Variants in TRPV5 observed in about 807,000 individuals in gnomAD.
TRPV5 encodes the protein calcium transport protein 2.
Under a neutral mutation model 74.1 loss-of-function variants are expected in TRPV5, and 66 were observed. The ratio of observed to expected loss-of-function variants is 0.89; its 90% CI spans 0.73 to 1.09. The LOEUF (loss-of-function observed/expected upper bound fraction) is 1.09, where lower values mean the gene tolerates loss of function less well. Ranked by LOEUF, TRPV5 falls within the 50% of genes least tolerant of loss-of-function variation. The pLI is 0.00. For synonymous variants in TRPV5, 399 were observed against 360.7 expected (o/e 1.11, Z -1.20); for missense variants, 936 against 930.4 (o/e 1.01, Z -0.08).
chr7:142,923,309 T>C (rs1442074124), intron 8 of TRPV5, among the ~76,000 whole-genome samples: 2 of 152,006 alleles, frequency 1.3e-5, no homozygotes, highest in African/African-American at 4.8e-5. Flanking sequence ...AAGAAAACAG[T>C]AGGAAAAAAA....
Position 142,929,580 on chromosome 7 carries a change from G to A in TRPV5, c.350-15C>T. ...TGCAGTCTGACCTGGCCCAGAGACA[G>A]CCATCATCAGGGTCTCCCTCTGTCC... On this transcript the variant is annotated splice_polypyrimidine_tract_variant and intron_variant, in intron 3 of 14. Transcript: ENST00000265310. 1 of 1,610,344 alleles carries A rather than the reference G, an allele frequency of 6.2e-7. No homozygotes were observed. The highest frequency in any genetic ancestry group is 8.5e-7 in the Non-Finnish European group (1 of 1,176,956).
chr7:142,930,793 G>A (rs1796076623), intron 1 of TRPV5, among the ~76,000 whole-genome samples: 1 of 152,158 alleles, frequency 6.6e-6, no homozygotes, highest in Non-Finnish European at 1.5e-5. Flanking sequence ...TCTAACCTGA[G>A]TAACTGTCTC....
chr7:142,916,410 T>C (rs1011173050), intron 8 of TRPV5, among the ~76,000 whole-genome samples: 2 of 152,226 alleles, frequency 1.3e-5, no homozygotes, highest in Non-Finnish European at 2.9e-5. Flanking sequence ...GAATCCTACA[T>C]TAATTATCCT....
intron 8 of TRPV5, among the ~76,000 whole-genome samples, chr7:142,922,989 G>T (rs1489715236): frequency 6.6e-6 from 1 of 152,120 alleles, no homozygotes. Flanking sequence ...CTTATACAGA[G>T]GAATTTGTTT....
intron 14 of TRPV5, 84 bp downstream of exon 14, chr7:142,909,406 T>A: frequency 6.9e-7 from 1 of 1,449,634 alleles, no homozygotes; most frequent in Non-Finnish European, 9.6e-7. Context: ...CAGGCTAATG[T>A]AGGCTCCAGG....
intron 8 of TRPV5, among the ~76,000 whole-genome samples, chr7:142,918,927 TC>T (rs1341858327): frequency 2.6e-5 from 4 of 152,216 alleles, no homozygotes; most frequent in Non-Finnish European, 5.9e-5. Context: ...TACAAAACCC[TC>T]CCTGCTATGG....
In TRPV5 at chr7:142,929,235, G is replaced by A. The variant is rs1361027536; in HGVS notation, c.488-115C>T. ...CCCCATATCTCAGTTCTAGGCTGAG[G>A]GACACTCGTCCAGCAGAACCAGAGG... On this transcript the variant is annotated intron_variant, in intron 4 of 14. Transcript: ENST00000265310. 4.7e-6 allele frequency: 7 copies of A among 1,482,488 alleles called. 1 individual carries two copies. In the East Asian group the frequency reaches 1.7e-4, roughly 36 times the overall value. 91.8% of individuals were successfully genotyped at this position (1,482,488 alleles called of 1,614,324 possible). A position where few individuals can be genotyped will look rare whatever the true frequency, so the allele number is the denominator to read the frequency against.
intron 12 of TRPV5, among the ~76,000 whole-genome samples, chr7:142,913,245 G>T (rs1459457639): frequency 6.6e-6 from 1 of 152,096 alleles, no homozygotes; most frequent in Non-Finnish European, 1.5e-5. Flanking sequence ...GACCTTCCCT[G>T]AGTGAACCTG....
intron 7 of TRPV5, among the ~76,000 whole-genome samples, chr7:142,927,859 G>A (rs944471390): frequency 6.6e-6 from 1 of 152,220 alleles, no homozygotes; most frequent in Non-Finnish European, 1.5e-5. Flanking sequence ...CATCTGAAAT[G>A]ATAGAAGGCG....
At chr7:142,928,593 A>G (rs1796027983) in intron 6 of TRPV5, 98 bp downstream of exon 6, 7 of 1,453,796 alleles carry the variant, frequency 4.8e-6, no homozygotes, top group Non-Finnish European at 6.4e-6. Context: ...AAGGGATTTT[A>G]GAGAAAGGTG....
At position 142,930,400 on chromosome 7, in the gene TRPV5, A is replaced by G. The variant is rs751605566; in HGVS notation, c.175T>C (p.Ser59Pro). Residue 59 changes from serine (S) to proline (P), a missense_variant, in exon 2 of 15, where the codon TCT becomes CCT. Transcript: ENST00000265310. ...LLRASKENDLSVLRQLLLDCT... is the reference protein window; with the variant it reads ...LLRASKENDLPVLRQLLLDCT... The stretch of plus-strand genomic sequence containing the variant: ...TCCAGTAGAAGTTGCCTAAGAACAG[A>G]CAGGTCATTTTCCTTGGATGCTCGA... The G allele has an allele frequency of 1.9e-6, 3 of 1,614,066 alleles. No homozygotes were observed. Among genetic ancestry groups the G allele is most frequent in the African/African-American group, 1.3e-5 (1 of 74,924 alleles).
Position 142,930,358 on chromosome 7 carries a change from G to C in TRPV5, c.217C>G (p.Arg73Gly), listed in dbSNP as rs778703315. Residue 73 changes from arginine to glycine, a missense_variant, in exon 2 of 15, where the codon CGA becomes GGA. Transcript: ENST00000265310. Reference protein sequence around the residue: ...QLLLDCTCDVRQRGALGETAL... With the variant: ...QLLLDCTCDVGQRGALGETAL... ...TAAATCCAGATCCCACCTCTTTGTC[G>C]AACGTCACAGGTGCAGTCCAGTAGA... 1.9e-6 allele frequency: 3 copies of C among 1,613,998 alleles called. No individual in the cohort carries two copies. The highest frequency in any genetic ancestry group is 1.1e-5 in the South Asian group (1 of 91,082).
At chr7:142,920,651 C>T in intron 8 of TRPV5, among the ~76,000 whole-genome samples, 1 of 152,212 alleles carries the variant, frequency 6.6e-6, no homozygotes, top group East Asian at 1.9e-4. Flanking sequence ...TAGTGCTGTC[C>T]TTGCTAGCTC....
chr7:142,912,600 A>G lies in TRPV5; in HGVS notation c.1670T>C (p.Ile557Thr), dbSNP rs1795719558. Reference protein sequence around the residue: ...YDVDLPFMFSIVNFAFTIIAT... With the variant: ...YDVDLPFMFSTVNFAFTIIAT... Reference sequence around the variant, plus strand: ...AATGATGGTGAAGGCGAAGTTGACAATGCTGAACATGAAGGGCAAGTCCAC... The same window carrying G: ...AATGATGGTGAAGGCGAAGTTGACAGTGCTGAACATGAAGGGCAAGTCCAC... The change falls in exon 13 of 15, where the codon ATT becomes ACT. Residue 557 changes from isoleucine (I) to threonine (T), a missense_variant. Physicochemically the swap from Ile to Thr is moderately conservative, Grantham distance 89. Transcript: ENST00000265310. The G allele has an allele frequency of 6.2e-7, 1 of 1,614,246 alleles. No individual in the cohort carries two copies. Among genetic ancestry groups the G allele is most frequent in the Non-Finnish European group, 8.5e-7 (1 of 1,180,042 alleles).
intron 5 of TRPV5, 66 bp downstream of exon 5, chr7:142,928,956 T>C (rs986077883): frequency 2.7e-5 from 43 of 1,612,218 alleles, no homozygotes; most frequent in Middle Eastern, 3.5e-4. Context: ...AGGTCCCAGC[T>C]CCACTCCTTA....
In TRPV5 at chr7:142,933,488, A is replaced by G. The variant is rs199854401; in HGVS notation, c.-29T>C. 1 of 1,604,830 alleles carries G rather than the reference A, an allele frequency of 6.2e-7. No homozygotes were observed. The highest frequency in any genetic ancestry group is 2.2e-5 in the East Asian group (1 of 44,786). On this transcript the variant is annotated 5_prime_UTR_variant, in exon 1 of 15. Coordinates refer to ENST00000265310, the MANE Select transcript of TRPV5 (RefSeq NM_019841.7). ...TTCTCCTTGCAGACACTGGCAGATTATAGAAATGTGGCGAAAGAAACAGGT... is the reference window on the plus strand; with the variant it reads ...TTCTCCTTGCAGACACTGGCAGATTGTAGAAATGTGGCGAAAGAAACAGGT...
At chr7:142,923,600 C>T (rs1795919093) in intron 8 of TRPV5, among the ~76,000 whole-genome samples, 1 of 152,052 alleles carries the variant, frequency 6.6e-6, no homozygotes, top group African/African-American at 2.4e-5. Context: ...TCTCTTTGAG[C>T]TGAAGTGGCT....
intron 8 of TRPV5, among the ~76,000 whole-genome samples, chr7:142,918,068 T>C (rs765665908): frequency 2.6e-5 from 4 of 152,220 alleles, no homozygotes; most frequent in African/African-American, 9.6e-5. Context: ...GATTTCAGTA[T>C]TTCAGAAATG....
rs966477459 is a variant in TRPV5, at chr7:142,930,370, T to G, written c.205A>C (p.Thr69Pro). 1 of 1,614,024 alleles carries G rather than the reference T, an allele frequency of 6.2e-7. No homozygotes were observed. The highest frequency in any genetic ancestry group is 8.5e-7 in the Non-Finnish European group (1 of 1,180,006). The change falls in exon 2 of 15, where the codon ACC becomes CCC. Residue 69 changes from threonine to proline, a missense_variant. Transcript: ENST00000265310. Reference protein sequence around the residue: ...SVLRQLLLDCTCDVRQRGALG... With the variant: ...SVLRQLLLDCPCDVRQRGALG... Reference sequence around the variant, plus strand: ...CCACCTCTTTGTCGAACGTCACAGGTGCAGTCCAGTAGAAGTTGCCTAAGA... The same window carrying G: ...CCACCTCTTTGTCGAACGTCACAGGGGCAGTCCAGTAGAAGTTGCCTAAGA...
Sources: allele counts gnomAD v4.1 joint callset (sites outside exome capture counted in the v4.1 genomes callset), GRCh38; gene constraint gnomAD v4.1.1; transcripts MANE v1.5; gene names NCBI Gene and HGNC (gene_info 2026-07-23, HGNC 2026-07-21).